PTPRM: variants seen among roughly 807,000 people sequenced by gnomAD.
PTPRM encodes the protein protein tyrosine phosphatase receptor type M, also known as receptor-type tyrosine-protein phosphatase mu.
Under a neutral mutation model 186.7 loss-of-function variants are expected in PTPRM, and 47 were observed. The ratio of observed to expected loss-of-function variants is 0.25; its 90% CI spans 0.20 to 0.32. The LOEUF (loss-of-function observed/expected upper bound fraction) is 0.32, where lower values mean the gene tolerates loss of function less well. Ranked by LOEUF, PTPRM falls within the 10% of genes least tolerant of loss-of-function variation. The pLI is 1.00. For missense variants in PTPRM, 1,494 were observed against 1,865.0 expected, an observed-to-expected ratio of 0.80 and a Z score of 3.66; for synonymous variants, 668 against 674.9, an observed-to-expected ratio of 0.99 and a Z score of 0.16.
chr18:7,897,165 T>G (rs2146451754), intron 3 of PTPRM, among the ~76,000 whole-genome samples: 1 of 152,274 alleles, frequency 6.6e-6, no homozygotes, highest in African/African-American at 2.4e-5. Flanking sequence ...TGCAGGCCAT[T>G]TCGGAGGCTA....
chr18:8,365,401 G>C (rs571339553), intron 23 of PTPRM, among the ~76,000 whole-genome samples: 1 of 152,344 alleles, frequency 6.6e-6, no homozygotes, highest in South Asian at 2.1e-4. Flanking sequence ...TCCACTAAGT[G>C]AGGCCACAGA....
intron 13 of PTPRM, among the ~76,000 whole-genome samples, chr18:8,123,685 G>A (rs1411541850): frequency 6.6e-6 from 1 of 152,146 alleles, no homozygotes; most frequent in Non-Finnish European, 1.5e-5. Flanking sequence ...GTATTTGAGG[G>A]ACAGTGCCTT....
intron 1 of PTPRM, among the ~76,000 whole-genome samples, chr18:7,767,410 G>A (rs950318813): frequency 6.6e-6 from 1 of 152,116 alleles, no homozygotes; most frequent in Admixed American, 6.6e-5. Context: ...TTAATATACT[G>A]CTTTAAATGG....
chr18:7,889,324 CTTTTCTTTCTTTTT>C (rs1406053655), intron 3 of PTPRM, among the ~76,000 whole-genome samples: 1 of 114,112 alleles, frequency 8.8e-6, no homozygotes, highest in African/African-American at 4.0e-5. Context: ...AATATATTTT[CTTTTCTTTCTTTTT>C]TTTTTTTTTT....
chr18:8,389,778 CCA>C (rs2095799672), intron 31 of PTPRM, among the ~76,000 whole-genome samples: 1 of 152,190 alleles, frequency 6.6e-6, no homozygotes, highest in Non-Finnish European at 1.5e-5. Context: ...TCAAACCACT[CCA>C]GTCTTCCTCT....
intron 1 of PTPRM, among the ~76,000 whole-genome samples, chr18:7,606,665 G>A (rs1394561374): frequency 6.6e-6 from 1 of 152,146 alleles, no homozygotes; most frequent in African/African-American, 2.4e-5. Flanking sequence ...AGGTGAGCGA[G>A]GTGGTTTTAT....
At position 8,373,286 on chromosome 18, in the gene PTPRM, G is replaced by A. The variant is rs73939463; in HGVS notation, c.3171+2280G>A. On this transcript the variant is annotated intron_variant, in intron 24 of 32. Coordinates refer to ENST00000580170, the MANE Select transcript of PTPRM (RefSeq NM_001105244.2). ...TTCTATTTTGAGAGCATGTTGCATCGAGGGACCTAAAGGTGAAAGTGGATT... is the reference window on the plus strand; with the variant it reads ...TTCTATTTTGAGAGCATGTTGCATCAAGGGACCTAAAGGTGAAAGTGGATT... Among the ~76,000 whole-genome samples, 546 of 152,300 alleles carry A rather than the reference G, an allele frequency of 3.6e-3. 3 individuals are homozygous for A. The highest frequency in any genetic ancestry group is 0.012 in the African/African-American group (513 of 41,556).
intron 1 of PTPRM, among the ~76,000 whole-genome samples, chr18:7,580,959 G>C (rs1203050224): frequency 2.0e-5 from 3 of 152,206 alleles, no homozygotes; most frequent in African/African-American, 7.2e-5. Context: ...TGACCTTCTG[G>C]AGAGATTTCT....
rs547541681 is a variant in PTPRM, at chr18:8,341,910, C to T, written c.2957-1513C>T. 2.4e-4 allele frequency among the ~76,000 whole-genome samples: 37 copies of T among 152,282 alleles called. No homozygotes were observed. The South Asian group carries it at 2.9e-3, about 12-fold the overall frequency. On this transcript the variant is annotated intron_variant, in intron 22 of 32. Transcript: ENST00000580170. ...CAGCCTCTACATCAGGAGAATGGCA[C>T]GCACATGCCAAGGGACGTGGCCAAA... is the stretch of plus-strand genomic sequence containing the variant.
chr18:7,961,709 A>T (rs762880758), intron 7 of PTPRM, among the ~76,000 whole-genome samples: 4 of 152,196 alleles, frequency 2.6e-5, no homozygotes, highest in Non-Finnish European at 5.9e-5. Context: ...GCTTGCTGGG[A>T]ATAGGAGTGA....
chr18:8,153,806 G>A (rs990641410), intron 14 of PTPRM, among the ~76,000 whole-genome samples: 1 of 152,140 alleles, frequency 6.6e-6, no homozygotes, highest in East Asian at 1.9e-4. Flanking sequence ...ACATTGTTTG[G>A]TTAGAAGAAC....
At position 8,004,108 on chromosome 18, in the gene PTPRM, CAG is replaced by C. The variant is rs1443702375; in HGVS notation, c.1132+48697_1132+48698del. Among the ~76,000 whole-genome samples, 4 of 152,276 alleles carry C rather than the reference CAG, an allele frequency of 2.6e-5. No individual in the cohort carries two copies. In the East Asian group the frequency reaches 7.7e-4, roughly 29 times the overall value. ...TTTCATAGGGCCTCAGAGAACATGA[CAG>C]AGGGGGAATCTCAGCTGTGCACTGA... is the stretch of plus-strand genomic sequence containing the variant. On this transcript the variant is annotated intron_variant, in intron 7 of 32. Coordinates refer to ENST00000580170, the MANE Select transcript of PTPRM (RefSeq NM_001105244.2).
At chr18:8,085,581 C>G in intron 9 of PTPRM, 90 bp from the exon 10 acceptor site, 1 of 1,096,788 alleles carries the variant, frequency 9.1e-7, no homozygotes, top group South Asian at 1.3e-5. Context: ...AAGTGTCTGA[C>G]AGTGCATACA....
At chr18:8,234,660 C>T (rs1022127706) in intron 14 of PTPRM, among the ~76,000 whole-genome samples, 3 of 152,070 alleles carry the variant, frequency 2.0e-5, no homozygotes, top group Admixed American at 1.3e-4. Flanking sequence ...GGCCTTGATC[C>T]TGGTATTTGT....
chr18:8,269,914 G>A (rs536128058), intron 19 of PTPRM: 60 of 151,900 alleles, frequency 3.9e-4, no homozygotes, highest in Middle Eastern at 3.2e-3. Flanking sequence ...CATGAGACCC[G>A]AGACAGTAAA....
At chr18:8,245,071 G>A (rs1231168087) in intron 15 of PTPRM, among the ~76,000 whole-genome samples, 1 of 152,168 alleles carries the variant, frequency 6.6e-6, no homozygotes. Flanking sequence ...GCTGTGAGGA[G>A]CACAGAAATG....
At chr18:8,240,648 AGAG>A (rs2094414362) in intron 14 of PTPRM, among the ~76,000 whole-genome samples, 3 of 34,446 alleles carry the variant, frequency 8.7e-5, no homozygotes, top group African/African-American at 4.6e-4. Context: ...AGAGAGAGAG[AGAG>A]AGAAAGAAAG....
chr18:7,972,724 A>T lies in PTPRM; in HGVS notation c.1132+17310A>T, dbSNP rs533743354. 4.9e-4 allele frequency among the ~76,000 whole-genome samples: 74 copies of T among 152,204 alleles called. 1 individual carries two copies. Among genetic ancestry groups the T allele is most frequent in the Non-Finnish European group, 8.5e-4 (58 of 67,988 alleles). Reference sequence around the variant, plus strand: ...TTTATATCTTGTTAATGGCCTTTGAAAATCACTGAAGTCATAGATGTGATA... The same window carrying T: ...TTTATATCTTGTTAATGGCCTTTGATAATCACTGAAGTCATAGATGTGATA... On this transcript the variant is annotated intron_variant, in intron 7 of 32. Transcript: ENST00000580170.
At chr18:8,318,583 C>A (rs2095326054) in intron 21 of PTPRM, among the ~76,000 whole-genome samples, 2 of 152,154 alleles carry the variant, frequency 1.3e-5, no homozygotes, top group Admixed American at 6.5e-5. Flanking sequence ...CAGGCATCAA[C>A]CACCACACCT....
Sources: allele counts gnomAD v4.1 joint callset (sites outside exome capture counted in the v4.1 genomes callset), GRCh38; gene constraint gnomAD v4.1.1; transcripts MANE v1.5; gene names NCBI Gene and HGNC (gene_info 2026-07-23, HGNC 2026-07-21).